CNBD1: variants seen among roughly 807,000 people sequenced by gnomAD.
CNBD1 encodes the protein cyclic nucleotide-binding domain-containing protein 1.
CNBD1 carries 71 observed loss-of-function variants against 54.4 expected under a neutral mutation model. The observed-to-expected ratio is 1.30, with a 90% CI of 1.08 to 1.59. CNBD1 has a LOEUF of 1.59. CNBD1 is among the 40% of genes most tolerant of loss of function. The pLI, the probability that CNBD1 is intolerant of heterozygous loss-of-function variation, is 0.00. For missense variants in CNBD1, 659 were observed against 518.0 expected (o/e 1.27, Z -2.64); for synonymous variants, 182 against 170.7 (o/e 1.07, Z -0.51).
chr8:86,968,892 C>T (rs1808155348), intron 4 of CNBD1, among the ~76,000 whole-genome samples: 1 of 152,120 alleles, frequency 6.6e-6, no homozygotes, highest in Non-Finnish European at 1.5e-5. Context: ...TTGTCCTGCA[C>T]CTGTGAAGAT....
At chr8:86,974,187 A>G (rs1424440436) in intron 4 of CNBD1, among the ~76,000 whole-genome samples, 2 of 152,142 alleles carry the variant, frequency 1.3e-5, no homozygotes, top group African/African-American at 2.4e-5. Context: ...GGAAATACAA[A>G]TTAAAACTAT....
intron 4 of CNBD1, among the ~76,000 whole-genome samples, chr8:87,015,941 A>G (rs1336150935): frequency 1.4e-5 from 2 of 138,844 alleles, no homozygotes; most frequent in Admixed American, 8.1e-5. Flanking sequence ...AGATTGTAAC[A>G]CTGCACTTAG....
chr8:87,193,403 A>G (rs980846686), intron 4 of CNBD1, among the ~76,000 whole-genome samples: 1 of 152,188 alleles, frequency 6.6e-6, no homozygotes, highest in Non-Finnish European at 1.5e-5. Flanking sequence ...AATAATTGCT[A>G]CTCATAATTG....
chr8:87,020,249 A>C (rs769397176), intron 4 of CNBD1, among the ~76,000 whole-genome samples: 1 of 151,980 alleles, frequency 6.6e-6, no homozygotes, highest in Non-Finnish European at 1.5e-5. Context: ...CCTAGGCCTG[A>C]CTCCATCTCA....
intron 4 of CNBD1, among the ~76,000 whole-genome samples, chr8:87,077,412 CTT>C (rs374931620): frequency 2.9e-4 from 37 of 129,542 alleles, no homozygotes; most frequent in African/African-American, 7.1e-4. Context: ...TCTTCTTCTT[CTT>C]TTTTTTTTTT....
At chr8:87,226,188 C>A (rs998464387) in intron 5 of CNBD1, among the ~76,000 whole-genome samples, 24 of 152,008 alleles carry the variant, frequency 1.6e-4, no homozygotes, top group East Asian at 7.7e-4. Flanking sequence ...TTTCAAAAAA[C>A]CAGCTCCTGG....
chr8:87,353,702 GTCCTTC>G lies in CNBD1; in HGVS notation c.1221_1226del (p.Leu408_Leu409del). 6.2e-7 allele frequency: 1 copy of G among 1,610,196 alleles called. No homozygotes were observed. Among genetic ancestry groups the G allele is most frequent in the Non-Finnish European group, 8.5e-7 (1 of 1,177,434 alleles). ...GAAGGAGTCCTTTGGTGAGATTAGC[GTCCTTC>G]TTCAAGTTCCTTTCACGTGCACAAT... On this transcript the variant is annotated inframe_deletion, in exon 10 of 11. Transcript: ENST00000518476.
At chr8:87,243,715 A>T (rs1807747807) in intron 6 of CNBD1, among the ~76,000 whole-genome samples, 1 of 152,244 alleles carries the variant, frequency 6.6e-6, no homozygotes, top group South Asian at 2.1e-4. Context: ...TTTCAATTTA[A>T]GAAACACATC....
chr8:86,941,140 C>T (rs1168555222), intron 4 of CNBD1, among the ~76,000 whole-genome samples: 1 of 152,144 alleles, frequency 6.6e-6, no homozygotes, highest in Admixed American at 6.5e-5. Context: ...GATTTTTATA[C>T]TCTTAACTTA....
In CNBD1 at chr8:86,956,528, C is replaced by T. The variant is rs528073389; in HGVS notation, c.431+16774C>T. 9.2e-4 allele frequency among the ~76,000 whole-genome samples: 140 copies of T among 152,220 alleles called. 1 individual carries two copies. The highest frequency in any genetic ancestry group is 3.3e-3 in the African/African-American group (137 of 41,540). ...TCACTGAGCAGTGGTTTGTAGTTCT[C>T]CTTGAAGATGTCCTTCATATCCCTT... On this transcript the variant is annotated intron_variant, in intron 4 of 10. Transcript: ENST00000518476.
intron 6 of CNBD1, among the ~76,000 whole-genome samples, chr8:87,271,455 A>T (rs1808361655): frequency 6.6e-6 from 1 of 151,680 alleles, no homozygotes; most frequent in Non-Finnish European, 1.5e-5. Context: ...GTCAATTTTC[A>T]TTTGTTTCAA....
chr8:87,004,366 C>T (rs955910423), intron 4 of CNBD1, among the ~76,000 whole-genome samples: 5 of 152,054 alleles, frequency 3.3e-5, no homozygotes, highest in African/African-American at 1.2e-4. Flanking sequence ...TGTGCATTGT[C>T]TTTTCCTTTG....
rs561538434 is a variant in CNBD1, at chr8:87,321,900, C to A, written c.1043-29785C>A. ...CATGTGCCATGCTGGTGTGCTGCAC[C>A]CACCACCTCGTCATCTAGCCTTAGG... On this transcript the variant is annotated intron_variant, in intron 8 of 10. Coordinates refer to ENST00000518476, the MANE Select transcript of CNBD1 (RefSeq NM_173538.3). 4.0e-5 allele frequency among the ~76,000 whole-genome samples: 6 copies of A among 149,310 alleles called. No homozygotes were observed. The East Asian group carries it at 1.2e-3, about 29-fold the overall frequency.
At chr8:87,120,736 C>T (rs1246866989) in intron 4 of CNBD1, among the ~76,000 whole-genome samples, 1 of 151,832 alleles carries the variant, frequency 6.6e-6, no homozygotes, top group African/African-American at 2.4e-5. Flanking sequence ...TGCTGTATCT[C>T]ACAGGTTTTG....
chr8:87,387,531 G>T (rs2130965602), downstream of CNBD1, among the ~76,000 whole-genome samples: 1 of 152,130 alleles, frequency 6.6e-6, no homozygotes, highest in East Asian at 1.9e-4. Flanking sequence ...AATGGTAAAG[G>T]GATCAATTCA....
chr8:86,981,365 C>T (rs1053683281), intron 4 of CNBD1, among the ~76,000 whole-genome samples: 1 of 152,128 alleles, frequency 6.6e-6, no homozygotes, highest in Non-Finnish European at 1.5e-5. Flanking sequence ...TCTCTAATTT[C>T]TAGAGTTTTT....
chr8:87,315,600 T>C (rs1442666934), intron 8 of CNBD1, among the ~76,000 whole-genome samples: 3 of 151,924 alleles, frequency 2.0e-5, no homozygotes, highest in Non-Finnish European at 4.4e-5. Flanking sequence ...CCCCGAAGGA[T>C]GGCATTAATC....
chr8:87,331,446 T>G (rs1222317177), intron 8 of CNBD1, among the ~76,000 whole-genome samples: 1 of 152,218 alleles, frequency 6.6e-6, no homozygotes, highest in Admixed American at 6.5e-5. Flanking sequence ...CCGCATTTTC[T>G]TTATACAGTC....
At chr8:87,015,587 A>T (rs976431284) in intron 4 of CNBD1, among the ~76,000 whole-genome samples, 4 of 152,114 alleles carry the variant, frequency 2.6e-5, no homozygotes, top group Non-Finnish European at 5.9e-5. Flanking sequence ...ACTCTCTTTT[A>T]AAAAAGTCTT....
Sources: allele counts gnomAD v4.1 joint callset (sites outside exome capture counted in the v4.1 genomes callset), GRCh38; gene constraint gnomAD v4.1.1; transcripts MANE v1.5; gene names NCBI Gene and HGNC (gene_info 2026-07-23, HGNC 2026-07-21).